The following ANKRD30B variants were observed in gnomAD, a reference collection of about 807,000 sequenced individuals.
ANKRD30B encodes the protein ankyrin repeat domain-containing protein 30B.
ANKRD30B carries 144 observed loss-of-function variants against 202.2 expected under a neutral mutation model. The ratio of observed to expected loss-of-function variants is 0.71; its 90% CI spans 0.62 to 0.82. The LOEUF (loss-of-function observed/expected upper bound fraction) is 0.82. Ranked by LOEUF, ANKRD30B falls within the 40% of genes least tolerant of loss-of-function variation. The probability of loss-of-function intolerance (pLI) is 0.00; values close to 1 mark genes in which losing one functional copy is unlikely to be tolerated. For synonymous variants in ANKRD30B, 508 were observed against 561.3 expected (o/e 0.91, Z 1.34); for missense variants, 1,487 against 1,669.1 (o/e 0.89, Z 1.90).
chr18:14,924,751 C>A, the ANKRD30B span, among the ~76,000 whole-genome samples: 1 of 152,232 alleles, frequency 6.6e-6, no homozygotes, highest in Non-Finnish European at 1.5e-5. Flanking sequence ...GCATCAGTGT[C>A]ATGCAAACTA....
Position 14,850,631 on chromosome 18 carries a change from T to C in ANKRD30B, c.3564+249T>C, listed in dbSNP as rs944828085. 2.0e-4 allele frequency among the ~76,000 whole-genome samples: 31 copies of C among 151,968 alleles called. 1 individual carries two copies. Among genetic ancestry groups the C allele is most frequent in the Non-Finnish European group, 4.4e-4 (30 of 67,748 alleles). On this transcript the variant is annotated intron_variant, in intron 41 of 43. Transcript: ENST00000690538. ...CTACCATATACTTAGTGATAATTTA[T>C]TGGTAAGTATTTTATTCCTAGCAAC...
chr18:14,862,557 C>G, the ANKRD30B span, among the ~76,000 whole-genome samples: 1 of 152,158 alleles, frequency 6.6e-6, no homozygotes, highest in Non-Finnish European at 1.5e-5. Context: ...AAGACTGAAT[C>G]AGAAAGAAAC....
the ANKRD30B span, among the ~76,000 whole-genome samples, chr18:14,913,178 C>T: frequency 2.0e-5 from 3 of 152,192 alleles, no homozygotes; most frequent in South Asian, 4.1e-4. Context: ...GACTAAGTAC[C>T]AATTGAAGCT....
At chr18:14,792,632 G>A (rs1245127494) in intron 16 of ANKRD30B, among the ~76,000 whole-genome samples, 2 of 151,912 alleles carry the variant, frequency 1.3e-5, no homozygotes, top group Admixed American at 1.3e-4. Context: ...GAATGTTAGA[G>A]TGTGGGTGCT....
Position 14,797,662 on chromosome 18 carries a change from G to A in ANKRD30B, c.1929G>A (p.Glu643=). ...ELKDRETFKA[E]SPDKDGLLKP... ...TTATAAATGTCCCTTTTCTTTTAGA[G>A]TCTCCTGATAAAGATGGTCTTCTGA... Residue 643 remains glutamate (E), a splice_region_variant and synonymous_variant, in exon 19 of 44, where the codon GAG becomes GAA. Coordinates refer to ENST00000690538, the MANE Select transcript of ANKRD30B (RefSeq NM_001367607.2). 6.2e-7 allele frequency: 1 copy of A among 1,607,370 alleles called. No individual in the cohort carries two copies. The highest frequency in any genetic ancestry group is 8.5e-7 in the Non-Finnish European group (1 of 1,174,242).
chr18:14,749,021 A>G (rs1912972690), intron 1 of ANKRD30B, among the ~76,000 whole-genome samples: 1 of 152,246 alleles, frequency 6.6e-6, no homozygotes. Flanking sequence ...TGTTAGATAC[A>G]CTATGAAATG....
intron 15 of ANKRD30B, among the ~76,000 whole-genome samples, chr18:14,788,020 A>G (rs1430822456): frequency 6.6e-6 from 1 of 152,154 alleles, no homozygotes; most frequent in Non-Finnish European, 1.5e-5. Context: ...TGCTTATTTT[A>G]AGCCCCTGTT....
chr18:14,793,049 A>C (rs926334790), intron 16 of ANKRD30B, among the ~76,000 whole-genome samples: 1 of 152,150 alleles, frequency 6.6e-6, no homozygotes, highest in Non-Finnish European at 1.5e-5. Context: ...ATTGAGGGCT[A>C]ATTAAGTTTG....
the ANKRD30B span, among the ~76,000 whole-genome samples, chr18:14,893,311 ATAG>A: frequency 3.3e-5 from 5 of 152,154 alleles, no homozygotes; most frequent in Non-Finnish European, 5.9e-5. Context: ...ACAAATATTT[ATAG>A]AAGTGTTAAC....
chr18:14,805,309 A>G (rs1568030549), intron 24 of ANKRD30B, among the ~76,000 whole-genome samples: 1 of 150,996 alleles, frequency 6.6e-6, no homozygotes, highest in Non-Finnish European at 1.5e-5. Flanking sequence ...ATTTTAACCT[A>G]GAAAATTTTG....
chr18:14,846,314 T>C (rs1971636967), intron 39 of ANKRD30B, among the ~76,000 whole-genome samples: 2 of 152,102 alleles, frequency 1.3e-5, no homozygotes, highest in African/African-American at 4.8e-5. Flanking sequence ...ATAGTTGTGT[T>C]GTTTCAGGTA....
At chr18:14,871,897 G>A in the ANKRD30B span, among the ~76,000 whole-genome samples, 2 of 152,120 alleles carry the variant, frequency 1.3e-5, no homozygotes, top group Non-Finnish European at 2.9e-5. Flanking sequence ...TAATACTAAT[G>A]GTATAATTTT....
At chr18:14,817,293 G>T (rs1243537166) in intron 30 of ANKRD30B, among the ~76,000 whole-genome samples, 1 of 152,166 alleles carries the variant, frequency 6.6e-6, no homozygotes, top group Non-Finnish European at 1.5e-5. Context: ...CATTACAAAT[G>T]TGGCTCACTA....
At chr18:14,870,088 G>A in the ANKRD30B span, among the ~76,000 whole-genome samples, 17 of 152,230 alleles carry the variant, frequency 1.1e-4, no homozygotes, top group East Asian at 1.5e-3. Context: ...CACCTGCCTC[G>A]GCCTCCCAAA....
chr18:14,817,778 A>C (rs1245994913), intron 30 of ANKRD30B, among the ~76,000 whole-genome samples: 1 of 152,178 alleles, frequency 6.6e-6, no homozygotes, highest in Admixed American at 6.5e-5. Context: ...TCAGAAGTAA[A>C]GTTTAAAGAT....
intron 39 of ANKRD30B, among the ~76,000 whole-genome samples, chr18:14,843,991 G>A (rs1971530823): frequency 1.3e-5 from 2 of 151,958 alleles, no homozygotes; most frequent in Admixed American, 6.6e-5. Flanking sequence ...ATATGTGCAC[G>A]GTCATAGATA....
intron 34 of ANKRD30B, 175 bp from the exon 35 acceptor site, chr18:14,837,036 C>T: frequency 4.1e-6 from 2 of 491,934 alleles, no homozygotes; most frequent in Non-Finnish European, 7.4e-6. Flanking sequence ...ATCTATCTTC[C>T]ATGTATATTT....
intron 10 of ANKRD30B, among the ~76,000 whole-genome samples, chr18:14,779,513 C>T (rs1444413753): frequency 6.6e-6 from 1 of 152,038 alleles, no homozygotes; most frequent in African/African-American, 2.4e-5. Flanking sequence ...AAGTTAATTT[C>T]TTGAAGAATC....
chr18:14,837,422 A>G, intron 35 of ANKRD30B, 133 bp downstream of exon 35: 1 of 886,588 alleles, frequency 1.1e-6, no homozygotes, highest in Non-Finnish European at 1.7e-6. Context: ...TGTCTACTTA[A>G]AAAAGTACAT....
Sources: allele counts gnomAD v4.1 joint callset (sites outside exome capture counted in the v4.1 genomes callset), GRCh38; gene constraint gnomAD v4.1.1; transcripts MANE v1.5; gene names NCBI Gene and HGNC (gene_info 2026-07-23, HGNC 2026-07-21).